Variants in ESRRG observed in about 807,000 individuals in gnomAD.
ESRRG encodes estrogen related receptor gamma, also known as estrogen-related receptor gamma.
Under a neutral mutation model 44.0 loss-of-function variants are expected in ESRRG, and 13 were observed. That is an observed-to-expected ratio of 0.30 (90% confidence interval 0.19 to 0.47). ESRRG has a LOEUF of 0.47. ESRRG is among the 20% of genes least tolerant of loss of function. The pLI is 1.00. For missense variants in ESRRG, 395 were observed against 580.6 expected (o/e 0.68, Z 3.29); for synonymous variants, 215 against 214.6 (o/e 1.00, Z -0.02).
chr1:216,554,467 A>C (rs1431560338), intron 5 of ESRRG, among the ~76,000 whole-genome samples: 4 of 150,078 alleles, frequency 2.7e-5, no homozygotes, highest in Non-Finnish European at 3.0e-5. Context: ...AAAAAAAAAC[A>C]AACCAAAGAA....
intron 1 of ESRRG, among the ~76,000 whole-genome samples, chr1:217,053,235 A>C (rs1022631542): frequency 1.3e-5 from 2 of 151,760 alleles, no homozygotes; most frequent in African/African-American, 4.8e-5. Flanking sequence ...CAGATAGATC[A>C]CTTAAGGTCA....
At chr1:216,654,188 C>G (rs557758336) in intron 2 of ESRRG, among the ~76,000 whole-genome samples, 1 of 151,208 alleles carries the variant, frequency 6.6e-6, no homozygotes, top group East Asian at 1.9e-4. Context: ...CTTATAATAA[C>G]TTAGAATTTT....
At position 216,799,438 on chromosome 1, in the gene ESRRG, G is replaced by T. The variant is rs12044714; in HGVS notation, c.-13-121947C>A. Reference sequence around the variant, plus strand: ...ATGATTTTGATTCCTCAGGATAGGAGGTGACGATTATAATCACTCAAGCAG... The same window carrying T: ...ATGATTTTGATTCCTCAGGATAGGATGTGACGATTATAATCACTCAAGCAG... On this transcript the variant is annotated intron_variant, in intron 2 of 7. Coordinates refer to the ESRRG transcript ENST00000359162. Among the ~76,000 whole-genome samples the T allele has an allele frequency of 2.6e-5, 4 of 151,624 alleles. No homozygotes were observed. The East Asian group carries it at 7.9e-4, about 30-fold the overall frequency.
chr1:217,001,570 G>A (rs1364740031), intron 1 of ESRRG, among the ~76,000 whole-genome samples: 2 of 152,168 alleles, frequency 1.3e-5, no homozygotes, highest in Non-Finnish European at 2.9e-5. Flanking sequence ...TACAAAAGGC[G>A]TTGATCATGA....
chr1:216,599,917 G>A (rs1386292276), intron 3 of ESRRG, among the ~76,000 whole-genome samples: 1 of 152,068 alleles, frequency 6.6e-6, no homozygotes, highest in Non-Finnish European at 1.5e-5. Context: ...CTTAGGCTTC[G>A]CCTATAATCA....
chr1:216,892,763 A>G (rs2057973077), intron 2 of ESRRG, among the ~76,000 whole-genome samples: 1 of 152,170 alleles, frequency 6.6e-6, no homozygotes, highest in African/African-American at 2.4e-5. Context: ...AACAGCACTC[A>G]GCTATTACAG....
At chr1:217,123,549 T>C (rs1189411137) in intron 1 of ESRRG, among the ~76,000 whole-genome samples, 1 of 152,136 alleles carries the variant, frequency 6.6e-6, no homozygotes, top group Non-Finnish European at 1.5e-5. Context: ...ATGGTACATA[T>C]ACACCATGGA....
At chr1:216,644,849 T>G (rs1498279) in intron 3 of ESRRG, among the ~76,000 whole-genome samples, 124,611 of 152,152 alleles carry the variant, frequency 0.82, 51,243 homozygotes, top group African/African-American at 0.86. Context: ...GTTTCCTCCA[T>G]AGGAAATATT....
chr1:216,640,980 C>T (rs2066304936), intron 3 of ESRRG, among the ~76,000 whole-genome samples: 1 of 152,074 alleles, frequency 6.6e-6, no homozygotes, highest in African/African-American at 2.4e-5. Context: ...GGGGCTAAAT[C>T]CATCAGGGAT....
At chr1:216,712,566 C>T (rs987487388) in intron 1 of ESRRG, among the ~76,000 whole-genome samples, 8 of 152,306 alleles carry the variant, frequency 5.3e-5, no homozygotes, top group South Asian at 4.1e-4. Context: ...TATCAAGGTG[C>T]GCTACCTGCT....
At chr1:216,827,319 T>C (rs2095414275) in intron 2 of ESRRG, among the ~76,000 whole-genome samples, 3 of 152,204 alleles carry the variant, frequency 2.0e-5, no homozygotes, top group African/African-American at 7.2e-5. Flanking sequence ...CCTTATTCTG[T>C]CCTGGTTTTT....
intron 2 of ESRRG, among the ~76,000 whole-genome samples, chr1:216,776,396 A>G (rs2093616312): frequency 1.3e-5 from 2 of 152,042 alleles, no homozygotes; most frequent in Non-Finnish European, 2.9e-5. Flanking sequence ...CCTGAGTTGC[A>G]TCCCGAGGTG....
chr1:217,019,821 A>G (rs1325957826), intron 1 of ESRRG, among the ~76,000 whole-genome samples: 1 of 152,226 alleles, frequency 6.6e-6, no homozygotes, highest in Non-Finnish European at 1.5e-5. Flanking sequence ...GTCTCATAGA[A>G]AGCTCTTGTT....
At chr1:216,611,891 G>T (rs189499830) in intron 3 of ESRRG, among the ~76,000 whole-genome samples, 1 of 152,300 alleles carries the variant, frequency 6.6e-6, no homozygotes, top group Admixed American at 6.5e-5. Flanking sequence ...AGCATTCCAG[G>T]TTGAGAGAAT....
chr1:216,910,045 A>C (rs1444249652), intron 2 of ESRRG, among the ~76,000 whole-genome samples: 1 of 152,206 alleles, frequency 6.6e-6, no homozygotes, highest in Non-Finnish European at 1.5e-5. Context: ...AATCAGATAC[A>C]TCCTATTTCC....
intron 2 of ESRRG, among the ~76,000 whole-genome samples, chr1:216,772,198 G>A (rs1220637401): frequency 1.3e-5 from 2 of 152,054 alleles, no homozygotes; most frequent in Admixed American, 6.6e-5. Flanking sequence ...ACAGCTACAC[G>A]TTGTTCACAC....
At chr1:216,745,157 T>C (rs1451672059) in intron 2 of ESRRG, among the ~76,000 whole-genome samples, 2 of 151,888 alleles carry the variant, frequency 1.3e-5, no homozygotes, top group Non-Finnish European at 2.9e-5. Flanking sequence ...TTGTTTTTTG[T>C]TTGTTTGTTT....
intron 3 of ESRRG, among the ~76,000 whole-genome samples, chr1:216,583,934 G>T (rs2063279702): frequency 6.6e-6 from 1 of 152,132 alleles, no homozygotes; most frequent in Non-Finnish European, 1.5e-5. Context: ...TCATGGGAAA[G>T]ACTTGAATCC....
chr1:217,009,702 C>CTTTTTTTTTTTTTT (rs11325118), intron 1 of ESRRG, among the ~76,000 whole-genome samples: 8 of 106,384 alleles, frequency 7.5e-5, no homozygotes, highest in Admixed American at 1.0e-4. Context: ...TTTTCTTTTT[C>CTTTTTTTTTTTTTT]TTTTTTTTTT....
Sources: gnomAD v4.1 joint callset for allele counts (sites outside exome capture counted in the v4.1 genomes callset) on GRCh38, gnomAD v4.1.1 for gene constraint, MANE v1.5 for transcripts, NCBI Gene and HGNC (gene_info 2026-07-23, HGNC 2026-07-21) for gene names.